Variants in TBC1D5 observed in about 807,000 individuals in gnomAD.
TBC1D5 encodes the protein TBC1 domain family, member 5.
In TBC1D5, 75 loss-of-function variants were observed where a neutral mutation model predicts 100.3. The ratio of observed to expected loss-of-function variants is 0.75; its 90% CI spans 0.62 to 0.91. The LOEUF (loss-of-function observed/expected upper bound fraction) is 0.91, where lower values mean the gene tolerates loss of function less well. TBC1D5 is among the 40% of genes least tolerant of loss of function. The pLI is 0.00. For synonymous variants in TBC1D5, 323 were observed against 325.6 expected (o/e 0.99, Z 0.09); for missense variants, 910 against 942.4 (o/e 0.97, Z 0.45).
chr3:17,691,739 C>T (rs2071195180), intron 1 of TBC1D5, among the ~76,000 whole-genome samples: 3 of 151,916 alleles, frequency 2.0e-5, no homozygotes, highest in Admixed American at 2.0e-4. Context: ...ATCACTTGAA[C>T]CCGTGAGGCG....
intron 3 of TBC1D5, among the ~76,000 whole-genome samples, chr3:17,476,413 G>A (rs1221878582): frequency 6.6e-6 from 1 of 151,882 alleles, no homozygotes; most frequent in African/African-American, 2.4e-5. Flanking sequence ...TTTCACCACT[G>A]ATCTATAATT....
At chr3:17,723,772 T>C (rs1007247995) in intron 1 of TBC1D5, among the ~76,000 whole-genome samples, 17 of 152,300 alleles carry the variant, frequency 1.1e-4, no homozygotes, top group Admixed American at 7.2e-4. Context: ...ACTGTTTATA[T>C]TGTCGGTGGG....
chr3:17,372,055 C>CAAACAAACAAAG lies in TBC1D5; in HGVS notation c.995+19_995+20insCTTTGTTTGTTT, dbSNP rs778056790. The CAAACAAACAAAG allele has an allele frequency of 2.3e-5, 36 of 1,585,736 alleles. No individual in the cohort carries two copies. The African/African-American group carries it at 3.2e-4, about 14-fold the overall frequency. ...CTGTCTCAAAAAACAAACAAACAAA[C>CAAACAAACAAAG]AAAGAACTTTAATACTTACAACCCA... On this transcript the variant is annotated intron_variant, in intron 13 of 21. Coordinates refer to ENST00000253692, the Ensembl canonical transcript of TBC1D5.
At chr3:17,163,589 T>C (rs2066301788) in intron 21 of TBC1D5, among the ~76,000 whole-genome samples, 1 of 152,154 alleles carries the variant, frequency 6.6e-6, no homozygotes, top group Non-Finnish European at 1.5e-5. Flanking sequence ...TCACAACACA[T>C]ATCCCTCTTA....
At chr3:17,187,006 T>C (rs187240269) in intron 18 of TBC1D5, among the ~76,000 whole-genome samples, 10 of 152,238 alleles carry the variant, frequency 6.6e-5, no homozygotes, top group Non-Finnish European at 1.0e-4. Flanking sequence ...GGATGGGGCA[T>C]TTCAGGGCTT....
chr3:17,416,184 C>A (rs1485995409), intron 4 of TBC1D5, among the ~76,000 whole-genome samples: 1 of 152,142 alleles, frequency 6.6e-6, no homozygotes, highest in African/African-American at 2.4e-5. Context: ...TATATTTTAA[C>A]TGAATCCATC....
intron 2 of TBC1D5, among the ~76,000 whole-genome samples, chr3:17,543,928 C>T (rs916275501): frequency 2.0e-5 from 3 of 151,066 alleles, no homozygotes; most frequent in African/African-American, 7.3e-5. Context: ...AGTGCAGTGG[C>T]GCGATCTCGG....
intron 3 of TBC1D5, among the ~76,000 whole-genome samples, chr3:17,507,320 C>A (rs965054895): frequency 6.6e-6 from 1 of 151,912 alleles, no homozygotes; most frequent in Non-Finnish European, 1.5e-5. Context: ...AAATATTAAA[C>A]ATAAGTCTTG....
intron 15 of TBC1D5, among the ~76,000 whole-genome samples, chr3:17,282,536 A>C (rs1291024604): frequency 1.3e-5 from 2 of 152,194 alleles, no homozygotes; most frequent in Admixed American, 6.5e-5. Flanking sequence ...ATTTAAGGAA[A>C]AATAAATCAC....
chr3:17,303,975 C>T, intron 14 of TBC1D5, among the ~76,000 whole-genome samples: 1 of 151,558 alleles, frequency 6.6e-6, no homozygotes, highest in Non-Finnish European at 1.5e-5. Flanking sequence ...TCATTTCCCA[C>T]AAACCACTAA....
intron 3 of TBC1D5, among the ~76,000 whole-genome samples, chr3:17,466,922 A>T (rs2095310313): frequency 1.3e-5 from 2 of 152,152 alleles, no homozygotes; most frequent in Non-Finnish European, 2.9e-5. Flanking sequence ...AACAGGATGA[A>T]AATAATTTGG....
intron 15 of TBC1D5, among the ~76,000 whole-genome samples, chr3:17,280,265 G>A (rs2080436619): frequency 6.6e-6 from 1 of 152,166 alleles, no homozygotes; most frequent in African/African-American, 2.4e-5. Flanking sequence ...AGGAGGATGA[G>A]CAATCAGCCA....
At chr3:17,662,737 G>A (rs147897677) in intron 1 of TBC1D5, among the ~76,000 whole-genome samples, 10 of 152,248 alleles carry the variant, frequency 6.6e-5, no homozygotes, top group Non-Finnish European at 1.0e-4. Context: ...AAGATCCACT[G>A]GACAAGTGTT....
At chr3:17,275,752 A>G (rs2733486) in intron 15 of TBC1D5, among the ~76,000 whole-genome samples, 78,480 of 152,078 alleles carry the variant, frequency 0.52, 21,398 homozygotes, top group African/African-American at 0.65. Flanking sequence ...CATATGGGCA[A>G]AGCCAGTGGG....
At chr3:17,511,526 T>G (rs2095906771) in intron 2 of TBC1D5, among the ~76,000 whole-genome samples, 1 of 151,984 alleles carries the variant, frequency 6.6e-6, no homozygotes, top group Non-Finnish European at 1.5e-5. Context: ...CAAAGTTTAT[T>G]TTTAAAAGGA....
At chr3:17,635,375 T>C (rs186146192) in intron 1 of TBC1D5, among the ~76,000 whole-genome samples, 274 of 152,252 alleles carry the variant, frequency 1.8e-3, no homozygotes, top group Middle Eastern at 0.01. Context: ...GCAATAAATG[T>C]AGATAGAACA....
At chr3:17,345,254 G>A (rs2089689434) in intron 13 of TBC1D5, among the ~76,000 whole-genome samples, 1 of 152,142 alleles carries the variant, frequency 6.6e-6, no homozygotes, top group South Asian at 2.1e-4. Context: ...CAATAAGTGG[G>A]CAAAGGATAT....
At chr3:17,694,698 C>T (rs2071732157) in intron 1 of TBC1D5, among the ~76,000 whole-genome samples, 1 of 152,084 alleles carries the variant, frequency 6.6e-6, no homozygotes, top group South Asian at 2.1e-4. Flanking sequence ...GGAAAAATTC[C>T]CCAACCTAGC....
chr3:17,582,771 C>A (rs2096707586), intron 2 of TBC1D5, among the ~76,000 whole-genome samples: 1 of 142,270 alleles, frequency 7.0e-6, no homozygotes, highest in East Asian at 2.0e-4. Context: ...AAAAACTACA[C>A]AGATACCAAA....
Sources: gnomAD v4.1 joint callset for allele counts (sites outside exome capture counted in the v4.1 genomes callset) on GRCh38, gnomAD v4.1.1 for gene constraint, MANE v1.5 for transcripts, NCBI Gene and HGNC (gene_info 2026-07-23, HGNC 2026-07-21) for gene names.